SAMM50: variants seen among roughly 807,000 people sequenced by gnomAD.
SAMM50 encodes the protein SAMM50 sorting and assembly machinery component, also known as sorting and assembly machinery component 50 homolog.
In SAMM50, 47 loss-of-function variants were observed where a neutral mutation model predicts 66.9. That is an observed-to-expected ratio of 0.70 (90% CI 0.56 to 0.90). The LOEUF (loss-of-function observed/expected upper bound fraction) is 0.90. Among genes scored for constraint, SAMM50 ranks in the 40% least tolerant of loss-of-function variants. The pLI, the probability that SAMM50 is intolerant of heterozygous loss-of-function variation, is 0.00. For missense variants in SAMM50, 535 were observed against 595.3 expected, an observed-to-expected ratio of 0.90 and a Z score of 1.05; for synonymous variants, 191 against 214.1, an observed-to-expected ratio of 0.89 and a Z score of 0.94.
intron 14 of SAMM50, among the ~76,000 whole-genome samples, chr22:43,992,241 G>A (rs996513184): frequency 5.3e-5 from 8 of 152,324 alleles, no homozygotes; most frequent in Middle Eastern, 3.4e-3. Flanking sequence ...AGCCGCATTC[G>A]CAAGTGTTTC....
chr22:43,976,288 C>T, intron 8 of SAMM50, 105 bp downstream of exon 8: 1 of 1,368,770 alleles, frequency 7.3e-7, no homozygotes, highest in Non-Finnish European at 1.0e-6. Context: ...GAAGCGTCAC[C>T]CAGATGGGGT....
chr22:43,975,982 A>G (rs1569030104), intron 7 of SAMM50, 73 bp from the exon 8 acceptor site: 2 of 1,481,118 alleles, frequency 1.4e-6, no homozygotes, highest in South Asian at 2.5e-5. Context: ...ATGATGCTTC[A>G]TTCCAAAAAA....
intron 13 of SAMM50, 132 bp from the exon 14 acceptor site, chr22:43,990,132 TC>T (rs2050315340): frequency 1.0e-6 from 1 of 957,784 alleles, no homozygotes; most frequent in African/African-American, 1.6e-5. Flanking sequence ...TCATGCATCC[TC>T]CCTAATCTCT....
At chr22:43,962,310 C>T (rs937467003) in intron 1 of SAMM50, among the ~76,000 whole-genome samples, 1 of 152,092 alleles carries the variant, frequency 6.6e-6, no homozygotes, top group Non-Finnish European at 1.5e-5. Flanking sequence ...CTCCTGAACG[C>T]ATATCACTTT....
intron 1 of SAMM50, chr22:43,957,355 GAA>G: frequency 3.9e-6 from 2 of 516,842 alleles, no homozygotes; most frequent in South Asian, 5.1e-5. Context: ...TTAAACTAAT[GAA>G]AAGTCAATAA....
At position 43,967,601 on chromosome 22, in the gene SAMM50, A is replaced by T. The variant is rs1414864532; in HGVS notation, c.235-1130A>T. ...CACCCTAGCCCCTGAGGCTGTTGCCAGAGCACCCCCTGCATCCTTCACCTG... is the reference window on the plus strand; with the variant it reads ...CACCCTAGCCCCTGAGGCTGTTGCCTGAGCACCCCCTGCATCCTTCACCTG... On this transcript the variant is annotated intron_variant, in intron 3 of 14. Transcript: ENST00000350028. 3.3e-5 allele frequency among the ~76,000 whole-genome samples: 5 copies of T among 152,198 alleles called. No homozygotes were observed. The East Asian group carries it at 9.6e-4, about 29-fold the overall frequency.
chr22:43,978,745 G>T (rs564309224), intron 10 of SAMM50, among the ~76,000 whole-genome samples: 1 of 152,238 alleles, frequency 6.6e-6, no homozygotes, highest in African/African-American at 2.4e-5. Context: ...GCCCCAGGCT[G>T]GGAGGGCACC....
chr22:43,973,084 C>G lies in SAMM50; in HGVS notation c.560+83C>G. On this transcript the variant is annotated intron_variant, in intron 6 of 14. Coordinates refer to ENST00000350028, the MANE Select transcript of SAMM50 (RefSeq NM_015380.5). ...GGCTTATTTGTGAAAAGAACCATGA[C>G]AGAATCAGCTGCCACTTCTGCAGTG... The G allele has an allele frequency of 3.9e-6, 6 of 1,519,206 alleles. No homozygotes were observed. In the South Asian group the frequency reaches 6.2e-5, roughly 16 times the overall value. 94.1% of individuals were successfully genotyped at this position (1,519,206 alleles called of 1,614,324 possible). A position where few individuals can be genotyped will look rare whatever the true frequency, so the allele number is the denominator to read the frequency against.
At chr22:43,987,425 A>G (rs1345360505) in intron 12 of SAMM50, 1 of 152,294 alleles carries the variant, frequency 6.6e-6, no homozygotes, top group Non-Finnish European at 1.5e-5. Context: ...ACCCAGAGGA[A>G]TGCCTCCTGG....
At chr22:43,977,142 G>A (rs576667861) in intron 9 of SAMM50, among the ~76,000 whole-genome samples, 3 of 152,324 alleles carry the variant, frequency 2.0e-5, no homozygotes, top group Non-Finnish European at 2.9e-5. Flanking sequence ...TCCGAAGGCA[G>A]GGGTCACCCC....
chr22:43,972,238 G>C lies in SAMM50; in HGVS notation c.325G>C (p.Asp109His), dbSNP rs375589070. Residue 109 changes from aspartate (D) to histidine (H), a missense_variant and splice_region_variant, in exon 5 of 15, where the codon GAT becomes CAT. Asp to His is a moderately conservative substitution (Grantham distance 81, BLOSUM62 -1). Transcript: ENST00000350028. The stretch of plus-strand genomic sequence containing the variant: ...TTGTTTAATATTTTTTTATTTAGGT[G>C]ATGACGCACTTCCAAATGGGTTAGA... ...VDVLIDTCQG[D>H]DALPNGLDVT... 8.3e-6 allele frequency: 13 copies of C among 1,561,306 alleles called. No homozygotes were observed. Among genetic ancestry groups the C allele is most frequent in the Non-Finnish European group, 9.5e-6 (11 of 1,154,974 alleles).
intron 4 of SAMM50, among the ~76,000 whole-genome samples, chr22:43,971,463 A>G (rs1397139149): frequency 2.0e-5 from 3 of 152,182 alleles, no homozygotes; most frequent in African/African-American, 7.2e-5. Context: ...GAGGACAGAC[A>G]TGCCTCTTAC....
intron 1 of SAMM50, 132 bp downstream of exon 1, chr22:43,955,730 T>C (rs1223485188): frequency 4.0e-6 from 4 of 995,860 alleles, no homozygotes; most frequent in African/African-American, 3.3e-5. Context: ...CCGGGCTGGG[T>C]GGAGGAGGCC....
At chr22:43,975,924 C>T (rs1395186218) in intron 7 of SAMM50, 131 bp from the exon 8 acceptor site, 1 of 887,944 alleles carries the variant, frequency 1.1e-6, no homozygotes, top group Non-Finnish European at 1.7e-6. Flanking sequence ...TTCCCCTTCT[C>T]CCTCTCTCTC....
intron 10 of SAMM50, among the ~76,000 whole-genome samples, chr22:43,978,725 C>T (rs992293322): frequency 2.0e-5 from 3 of 151,832 alleles, no homozygotes; most frequent in African/African-American, 4.8e-5. Context: ...ATTCTGGTCT[C>T]GCCAGAGGAG....
In SAMM50 at chr22:43,957,268, C is replaced by G. The variant is rs912970999; in HGVS notation, c.21+1670C>G. On this transcript the variant is annotated intron_variant, in intron 1 of 14. Transcript: ENST00000350028. ...GGCCCACAGAAACAATGGCATGATT[C>G]GTGCCAAATTCTGAAGCAATCTTCC... 1.2e-5 allele frequency: 8 copies of G among 657,874 alleles called. No homozygotes were observed. In the African/African-American group the frequency reaches 1.3e-4, roughly 10 times the overall value. 40.8% of individuals were successfully genotyped at this position (657,874 alleles called of 1,614,324 possible).
In SAMM50 at chr22:43,969,300, AT is replaced by A. The variant is rs560076615; in HGVS notation, c.322+486del. Among the ~76,000 whole-genome samples the A allele has an allele frequency of 4.9e-4, 75 of 152,230 alleles. 1 individual carries two copies. In the South Asian group the frequency reaches 0.015, roughly 30 times the overall value. The stretch of plus-strand genomic sequence containing the variant: ...AAAAAGAGGAGGGAATCCAATTTCC[AT>A]TTTAGTTTTTGCCCATTTTCTTGTT... On this transcript the variant is annotated intron_variant, in intron 4 of 14. Coordinates refer to ENST00000350028, the MANE Select transcript of SAMM50 (RefSeq NM_015380.5).
At chr22:43,986,922 A>G (rs2050297653) in intron 12 of SAMM50, 1 of 152,232 alleles carries the variant, frequency 6.6e-6, no homozygotes, top group African/African-American at 2.4e-5. Context: ...TACACTCTGC[A>G]TAAATTTTTG....
In SAMM50 at chr22:43,973,289, G is replaced by C. The variant is rs113373406; in HGVS notation, c.614G>C (p.Arg205Pro). ...VTGQFPWSSLRETDRGMSAEY... is the reference protein window; with the variant it reads ...VTGQFPWSSLPETDRGMSAEY... ...GGACAGTTCCCTTGGAGCTCACTGC[G>C]GGAGACGGACAGAGGAATGTCAGCT... The change falls in exon 7 of 15, where the codon CGG (arginine) becomes CCG (proline). Residue 205 changes from arginine (R) to proline (P), a missense_variant. By Grantham distance (103) the Arg-to-Pro change is moderately radical. Coordinates refer to ENST00000350028, the MANE Select transcript of SAMM50 (RefSeq NM_015380.5). 3.1e-6 allele frequency: 5 copies of C among 1,607,698 alleles called. No individual in the cohort carries two copies. Among genetic ancestry groups the C allele is most frequent in the Non-Finnish European group, 4.3e-6 (5 of 1,174,294 alleles).
Sources: allele counts gnomAD v4.1 joint callset (sites outside exome capture counted in the v4.1 genomes callset), GRCh38; gene constraint gnomAD v4.1.1; transcripts MANE v1.5; gene names NCBI Gene and HGNC (gene_info 2026-07-23, HGNC 2026-07-21).